The following TVP23A variants were observed in gnomAD, a reference collection of about 807,000 sequenced individuals.
TVP23A encodes Golgi apparatus membrane protein TVP23 homolog A.
A neutral mutation model predicts 31.7 loss-of-function variants in TVP23A; 21 were observed. That is an observed-to-expected ratio of 0.66 (90% CI 0.47 to 0.95). TVP23A has a LOEUF of 0.95. Ranked by LOEUF, TVP23A falls within the 40% of genes least tolerant of loss-of-function variation. The pLI, the probability that TVP23A is intolerant of heterozygous loss-of-function variation, is 0.00. For synonymous variants in TVP23A, 104 were observed against 96.0 expected, an observed-to-expected ratio of 1.08 and a Z score of -0.49; for missense variants, 279 against 255.6, an observed-to-expected ratio of 1.09 and a Z score of -0.62.
downstream of TVP23A, among the ~76,000 whole-genome samples, chr16:10,762,293 A>C (rs565216568): frequency 1.7e-4 from 26 of 152,258 alleles, 1 homozygote; most frequent in South Asian, 1.0e-3. Context: ...CTTTGTCTCC[A>C]GCACCGGGAC....
Position 10,777,704 on chromosome 16 carries a change from C to T in TVP23A, c.90-2608G>A, listed in dbSNP as rs142953910. The stretch of plus-strand genomic sequence containing the variant: ...TGAAAACCAACCCAGGAAGTGCACC[C>T]GGCTTTTAAGAATTAGACAGGATCA... On this transcript the variant is annotated intron_variant, in intron 2 of 7. Transcript: ENST00000299866. This position sits in a 1 kb window ranked among gnomAD's most constrained non-coding sequence, Gnocchi z 4.5. Among the ~76,000 whole-genome samples the T allele has an allele frequency of 3.3e-3, 509 of 152,276 alleles. 2 individuals are homozygous for T. The highest frequency in any genetic ancestry group is 5.4e-3 in the Non-Finnish European group (366 of 68,028).
chr16:10,791,946 A>G (rs1340197314), intron 2 of TVP23A, among the ~76,000 whole-genome samples: 1 of 152,218 alleles, frequency 6.6e-6, no homozygotes, highest in Non-Finnish European at 1.5e-5. Flanking sequence ...AGAAGCAAAC[A>G]ACATGGCATG....
intron 2 of TVP23A, among the ~76,000 whole-genome samples, chr16:10,812,613 C>A (rs1260420705): frequency 6.6e-6 from 1 of 152,096 alleles, no homozygotes; most frequent in African/African-American, 2.4e-5. Flanking sequence ...ATGGATGAAA[C>A]TTGAGGACGT....
intron 2 of TVP23A, among the ~76,000 whole-genome samples, chr16:10,801,376 T>G (rs1030773118): frequency 5.9e-5 from 9 of 152,156 alleles, no homozygotes; most frequent in Non-Finnish European, 1.3e-4. Context: ...GCCCTTTTAC[T>G]CTCCAAAAAT....
chr16:10,790,968 C>T (rs1225595738), intron 2 of TVP23A, among the ~76,000 whole-genome samples: 1 of 152,146 alleles, frequency 6.6e-6, no homozygotes, highest in South Asian at 2.1e-4. Context: ...CACCTCTTCC[C>T]ATCATGGCCT....
chr16:10,810,318 G>C (rs1198836837), intron 2 of TVP23A, among the ~76,000 whole-genome samples: 3 of 152,112 alleles, frequency 2.0e-5, no homozygotes. Context: ...AGAGGCCAAG[G>C]TGGGAGGATC....
chr16:10,796,734 G>A (rs929840786), intron 2 of TVP23A, among the ~76,000 whole-genome samples: 5 of 152,200 alleles, frequency 3.3e-5, no homozygotes, highest in South Asian at 4.1e-4. Context: ...CACCGCGCCC[G>A]GCCCATAAAA....
chr16:10,765,414 G>A (rs548580144), downstream of TVP23A, among the ~76,000 whole-genome samples: 1 of 151,714 alleles, frequency 6.6e-6, no homozygotes, highest in East Asian at 1.9e-4. This position sits in a 1 kb window ranked among gnomAD's most constrained non-coding sequence, Gnocchi z 4.0. Context: ...GGCTGAGTTA[G>A]CAGGATCACT....
In TVP23A at chr16:10,793,845, G is replaced by C. The variant is rs931300404; in HGVS notation, c.90-18749C>G. On this transcript the variant is annotated intron_variant, in intron 2 of 7. Coordinates refer to ENST00000299866, the MANE Select transcript of TVP23A (RefSeq NM_001079512.4). ...GCCCAGGAGATTGTGGCTTCAGTGA[G>C]CTGTGATCACACCACTGCATTCCAG... 2.4e-5 allele frequency among the ~76,000 whole-genome samples: 3 copies of C among 127,582 alleles called. No individual in the cohort carries two copies. In the South Asian group the frequency reaches 7.7e-4, roughly 33 times the overall value. The allele number at this position is 127,582 out of a possible 152,430, so 83.7% of individuals were successfully genotyped here.
intron 2 of TVP23A, among the ~76,000 whole-genome samples, chr16:10,788,775 C>G (rs1830370): frequency 0.12 from 17,891 of 152,152 alleles, 2,228 homozygotes; most frequent in East Asian, 0.59. Flanking sequence ...GCTCAAACAG[C>G]GTATTTTTAA....
At chr16:10,781,590 T>C (rs1013315360) in intron 2 of TVP23A, among the ~76,000 whole-genome samples, 2 of 152,122 alleles carry the variant, frequency 1.3e-5, no homozygotes, top group Non-Finnish European at 2.9e-5. Flanking sequence ...GTGCACAGGA[T>C]ACAAGGATTC....
intron 2 of TVP23A, among the ~76,000 whole-genome samples, chr16:10,787,677 GT>G (rs35137636): frequency 0.24 from 36,938 of 151,828 alleles, 10,466 homozygotes; most frequent in African/African-American, 0.67. Context: ...CAGTGGGCTG[GT>G]TTTTTTCCCT....
chr16:10,770,129 A>T, intron 7 of TVP23A, 143 bp downstream of exon 7: 1 of 1,036,612 alleles, frequency 9.6e-7, no homozygotes, highest in Non-Finnish European at 1.4e-6. Context: ...CCCATTGCCC[A>T]GTCTGCTTCC....
At chr16:10,812,836 T>A (rs962846222) in intron 2 of TVP23A, among the ~76,000 whole-genome samples, 2 of 152,080 alleles carry the variant, frequency 1.3e-5, no homozygotes, top group Admixed American at 1.3e-4. Flanking sequence ...TACTAAACTG[T>A]ATAATTTAAA....
intron 2 of TVP23A, among the ~76,000 whole-genome samples, chr16:10,805,719 G>C (rs1356334393): frequency 6.6e-6 from 1 of 151,276 alleles, no homozygotes; most frequent in African/African-American, 2.4e-5. Context: ...TTGCTTATAT[G>C]TTTATTGTCT....
chr16:10,762,877 G>A (rs548455928), downstream of TVP23A, among the ~76,000 whole-genome samples: 52 of 152,120 alleles, frequency 3.4e-4, no homozygotes, highest in African/African-American at 1.1e-3. Flanking sequence ...CACGTGGGGA[G>A]CCTTGGGGAA....
rs778555685 is a variant in TVP23A, at chr16:10,770,423, C to T, written c.583-92G>A. 8.7e-5 allele frequency: 122 copies of T among 1,403,828 alleles called. 1 individual carries two copies. Among genetic ancestry groups the T allele is most frequent in the Middle Eastern group, 1.8e-4 (1 of 5,616 alleles). 87.0% of individuals were successfully genotyped at this position (1,403,828 alleles called of 1,614,324 possible). A position where few individuals can be genotyped will look rare whatever the true frequency, so the allele number is the denominator to read the frequency against. On this transcript the variant is annotated intron_variant, in intron 6 of 7. Transcript: ENST00000299866. ...AAGGCCAGAGAAAACCCACAAAGTA[C>T]AGAAAACCTGCGGAATTGGTTGCTT... is the stretch of plus-strand genomic sequence containing the variant.
At chr16:10,807,866 G>A (rs2034015362) in intron 2 of TVP23A, among the ~76,000 whole-genome samples, 1 of 152,146 alleles carries the variant, frequency 6.6e-6, no homozygotes, top group African/African-American at 2.4e-5. Flanking sequence ...CCGATTCCAA[G>A]GGTTCAAATC....
At chr16:10,765,241 A>G (rs1433531308), downstream of TVP23A, 1 of 150,726 alleles carries the variant, frequency 6.6e-6, no homozygotes, top group Non-Finnish European at 1.5e-5. The surrounding 1 kb of genome is among the most constrained non-coding windows in gnomAD (Gnocchi z 4.0). Flanking sequence ...ATACTAAATG[A>G]TAGCAACTAA....
Sources: gnomAD v4.1 joint callset for allele counts (sites outside exome capture counted in the v4.1 genomes callset) on GRCh38, gnomAD v4.1.1 for gene constraint, Gnocchi (gnomAD v3.1) non-coding constraint, MANE v1.5 for transcripts, NCBI Gene and HGNC (gene_info 2026-07-23, HGNC 2026-07-21) for gene names.